SASH1: variants seen among roughly 807,000 people sequenced by gnomAD.
The protein encoded by SASH1 is SAM and SH3 domain containing 1.
Under a neutral mutation model 125.2 loss-of-function variants are expected in SASH1, and 44 were observed. That is an observed-to-expected ratio of 0.35 (90% CI 0.28 to 0.45). The LOEUF is 0.45. Among genes scored for constraint, SASH1 ranks in the 20% least tolerant of loss-of-function variants. The pLI is 1.00. For synonymous variants in SASH1, 639 were observed against 649.1 expected, an observed-to-expected ratio of 0.98 and a Z score of 0.24; for missense variants, 1,426 against 1,614.5, an observed-to-expected ratio of 0.88 and a Z score of 2.00.
chr6:148,346,288 A>AT (rs1329179850), intron 1 of SASH1, among the ~76,000 whole-genome samples: 2 of 152,182 alleles, frequency 1.3e-5, no homozygotes, highest in Non-Finnish European at 2.9e-5. Context: ...ATTAGGACAC[A>AT]TTTTGCATTT....
intron 4 of SASH1, among the ~76,000 whole-genome samples, chr6:148,443,052 A>T (rs1386563318): frequency 6.6e-6 from 1 of 151,330 alleles, no homozygotes; most frequent in African/African-American, 2.4e-5. Context: ...CTGGGATTAC[A>T]GGGATGAGCC....
intron 1 of SASH1, among the ~76,000 whole-genome samples, chr6:148,305,550 G>C (rs1780103194): frequency 7.0e-6 from 1 of 143,668 alleles, no homozygotes; most frequent in Non-Finnish European, 1.5e-5. Context: ...TTGAACCCAG[G>C]AAACAGAGAT....
intron 1 of SASH1, among the ~76,000 whole-genome samples, chr6:148,347,794 A>G (rs537758587): frequency 2.6e-5 from 4 of 152,146 alleles, no homozygotes; most frequent in African/African-American, 7.2e-5. Context: ...TGGCCTCTCT[A>G]TGTGGAGAAG....
At chr6:148,518,151 G>A (rs1426084145) in intron 9 of SASH1, among the ~76,000 whole-genome samples, 1 of 152,140 alleles carries the variant, frequency 6.6e-6, no homozygotes, top group East Asian at 1.9e-4. Context: ...TGAGGAAGGA[G>A]CGGGAAACTT....
chr6:148,526,642 T>TA (rs1003276257), intron 11 of SASH1, among the ~76,000 whole-genome samples: 4 of 152,142 alleles, frequency 2.6e-5, no homozygotes, highest in African/African-American at 7.2e-5. Context: ...GTTTGTTTTT[T>TA]AAAAAAATGC....
chr6:148,337,629 C>G (rs561741311), intron 1 of SASH1, among the ~76,000 whole-genome samples: 1 of 151,728 alleles, frequency 6.6e-6, no homozygotes, highest in African/African-American at 2.4e-5. Context: ...CTCAAAGTGC[C>G]GGGATTACAG....
intron 4 of SASH1, among the ~76,000 whole-genome samples, chr6:148,449,606 C>T (rs538017105): frequency 3.9e-5 from 6 of 152,050 alleles, no homozygotes; most frequent in East Asian, 3.9e-4. Flanking sequence ...AGCCTGGTCT[C>T]GAACTCCCGA....
intron 4 of SASH1, among the ~76,000 whole-genome samples, chr6:148,456,256 C>T (rs886285873): frequency 6.6e-6 from 1 of 152,120 alleles, no homozygotes; most frequent in Non-Finnish European, 1.5e-5. Context: ...TAGGTTCTTG[C>T]ACATTTGGTA....
At chr6:148,279,983 T>C (rs1343251172) in intron 1 of SASH1, among the ~76,000 whole-genome samples, 2 of 108,756 alleles carry the variant, frequency 1.8e-5, no homozygotes, top group East Asian at 3.2e-4. Flanking sequence ...AGACCATGTC[T>C]CAAAAAAAAA....
chr6:148,538,598 T>C (rs188220208), intron 16 of SASH1, among the ~76,000 whole-genome samples: 10 of 152,308 alleles, frequency 6.6e-5, no homozygotes, highest in African/African-American at 1.9e-4. Flanking sequence ...GGGATTCTAA[T>C]TGAGGGACTT....
intron 1 of SASH1, among the ~76,000 whole-genome samples, chr6:148,363,239 T>C (rs1782312570): frequency 6.6e-6 from 1 of 152,222 alleles, no homozygotes; most frequent in African/African-American, 2.4e-5. Context: ...TGAATCACGG[T>C]GTTCTGGAGG....
At chr6:148,449,374 C>T (rs1286468123) in intron 4 of SASH1, among the ~76,000 whole-genome samples, 1 of 145,416 alleles carries the variant, frequency 6.9e-6, no homozygotes, top group Non-Finnish European at 1.5e-5. Context: ...CTGGCTGAGA[C>T]TGGCTAATTT....
the SASH1 span, among the ~76,000 whole-genome samples, chr6:148,247,165 C>T: frequency 6.6e-6 from 1 of 152,122 alleles, no homozygotes; most frequent in African/African-American, 2.4e-5. Context: ...AGTGAATTCC[C>T]ATTGGCCAAG....
At chr6:148,235,088 GA>G in the SASH1 span, among the ~76,000 whole-genome samples, 1 of 152,120 alleles carries the variant, frequency 6.6e-6, no homozygotes, top group African/African-American at 2.4e-5. Context: ...TTTTGGCTCA[GA>G]AGTTTAATAA....
the SASH1 span, among the ~76,000 whole-genome samples, chr6:148,194,725 G>A: frequency 6.6e-6 from 1 of 152,196 alleles, no homozygotes; most frequent in African/African-American, 2.4e-5. Flanking sequence ...GGTTAACACG[G>A]TGAAACCCCG....
chr6:148,406,863 G>T (rs777891578), intron 2 of SASH1, among the ~76,000 whole-genome samples: 9 of 147,542 alleles, frequency 6.1e-5, no homozygotes, highest in East Asian at 4.1e-4. Context: ...AGAATCAGGC[G>T]CTCCAAGGGA....
chr6:148,307,676 C>T (rs1272840289), intron 1 of SASH1, among the ~76,000 whole-genome samples: 1 of 151,960 alleles, frequency 6.6e-6, no homozygotes, highest in Non-Finnish European at 1.5e-5. Context: ...CCTGTCATCT[C>T]CCTTCTGCTG....
chr6:148,411,276 A>G (rs780738636), intron 2 of SASH1, among the ~76,000 whole-genome samples: 7 of 151,580 alleles, frequency 4.6e-5, no homozygotes, highest in East Asian at 1.9e-4. Flanking sequence ...CTGTGATTCA[A>G]TCAGTCACTA....
chr6:148,422,822 A>AT (rs1775628671), intron 2 of SASH1, among the ~76,000 whole-genome samples: 2 of 152,314 alleles, frequency 1.3e-5, no homozygotes, highest in East Asian at 3.9e-4. Context: ...TAATAGACCA[A>AT]TAAAAAGTTT....
Sources: gnomAD v4.1 joint callset for allele counts (sites outside exome capture counted in the v4.1 genomes callset) on GRCh38, gnomAD v4.1.1 for gene constraint, MANE v1.5 for transcripts, NCBI Gene and HGNC (gene_info 2026-07-23, HGNC 2026-07-21) for gene names.